The following CMTM4 variants were observed in gnomAD, a reference collection of about 807,000 sequenced individuals.
The protein encoded by CMTM4 is CKLF-like MARVEL transmembrane domain-containing protein 4.
In CMTM4, 8 loss-of-function variants were observed where a neutral mutation model predicts 19.0. The ratio of observed to expected loss-of-function variants is 0.42; its 90% CI spans 0.25 to 0.76. CMTM4 has a LOEUF of 0.76. CMTM4 is among the 30% of genes least tolerant of loss of function. The pLI is 0.27. For synonymous variants in CMTM4, 106 were observed against 121.1 expected (o/e 0.88, Z 0.82); for missense variants, 228 against 290.2 (o/e 0.79, Z 1.56).
intron 1 of CMTM4, among the ~76,000 whole-genome samples, chr16:66,691,953 C>T (rs558927626): frequency 2.6e-5 from 4 of 152,276 alleles, no homozygotes; most frequent in Middle Eastern, 3.4e-3. Context: ...ATACCTAATA[C>T]GGTAGGTACT....
intron 1 of CMTM4, among the ~76,000 whole-genome samples, chr16:66,653,493 C>T (rs140327437): frequency 3.9e-5 from 6 of 152,200 alleles, no homozygotes; most frequent in African/African-American, 7.2e-5. Flanking sequence ...CCCCCAGGGC[C>T]GCCATCCTTA....
downstream of CMTM4, among the ~76,000 whole-genome samples, chr16:66,610,605 G>A (rs1242246992): frequency 6.6e-6 from 1 of 152,224 alleles, no homozygotes; most frequent in Non-Finnish European, 1.5e-5. The surrounding 1 kb of genome is among the most constrained non-coding windows in gnomAD (Gnocchi z 4.6). Context: ...GGCAGTAGAG[G>A]AGTGTGCAGG....
the CMTM4 span, among the ~76,000 whole-genome samples, chr16:66,602,609 C>T: frequency 1.3e-5 from 2 of 151,992 alleles, no homozygotes; most frequent in East Asian, 2.0e-4. Flanking sequence ...TGCAGTGGTG[C>T]GATCTCAGCT....
At chr16:66,658,724 A>T (rs894305070) in intron 1 of CMTM4, among the ~76,000 whole-genome samples, 1 of 152,180 alleles carries the variant, frequency 6.6e-6, no homozygotes, top group Non-Finnish European at 1.5e-5. Flanking sequence ...ACTAGGTGCC[A>T]GTACTCCTCC....
At chr16:66,673,437 G>A (rs890332012) in intron 1 of CMTM4, among the ~76,000 whole-genome samples, 1 of 151,248 alleles carries the variant, frequency 6.6e-6, no homozygotes, top group Non-Finnish European at 1.5e-5. Context: ...CGAACTCCTG[G>A]ATGCAAGGGA....
At chr16:66,683,160 CGTAT>C (rs1328114664) in intron 1 of CMTM4, among the ~76,000 whole-genome samples, 1 of 75,554 alleles carries the variant, frequency 1.3e-5, no homozygotes, top group Non-Finnish European at 2.5e-5. Flanking sequence ...TATATATATA[CGTAT>C]ATATATATAT....
At chr16:66,683,624 T>C (rs1007684556) in intron 1 of CMTM4, among the ~76,000 whole-genome samples, 3 of 151,888 alleles carry the variant, frequency 2.0e-5, no homozygotes, top group African/African-American at 7.3e-5. Flanking sequence ...CAACTGTCTA[T>C]TCAACACCTA....
intron 1 of CMTM4, among the ~76,000 whole-genome samples, chr16:66,642,692 G>A (rs2016117132): frequency 6.6e-6 from 1 of 152,052 alleles, no homozygotes; most frequent in African/African-American, 2.4e-5. Flanking sequence ...CTCCAGCCTG[G>A]GTGACGAAGG....
At chr16:66,655,803 C>T (rs12597041) in intron 1 of CMTM4, among the ~76,000 whole-genome samples, 2,314 of 152,094 alleles carry the variant, frequency 0.015, 89 homozygotes, top group East Asian at 0.15. Flanking sequence ...AAATCTGAGA[C>T]AACTTGAGCA....
the CMTM4 span, chr16:66,603,942 G>A: frequency 6.6e-6 from 1 of 152,536 alleles, no homozygotes; most frequent in Admixed American, 6.5e-5. Flanking sequence ...GAAAGGAGGG[G>A]GCAGTGCCCT....
At chr16:66,660,425 G>GGT (rs2016480586) in intron 1 of CMTM4, among the ~76,000 whole-genome samples, 1 of 148,888 alleles carries the variant, frequency 6.7e-6, no homozygotes, top group Admixed American at 6.7e-5. Context: ...CACCATAAAA[G>GGT]GTGAAATTTA....
chr16:66,650,702 C>G (rs956447981), intron 1 of CMTM4, among the ~76,000 whole-genome samples: 1 of 152,184 alleles, frequency 6.6e-6, no homozygotes, highest in African/African-American at 2.4e-5. Context: ...ATTTCTTCCC[C>G]CCGCACACCT....
In CMTM4 at chr16:66,652,300, C is replaced by T. The variant is rs149792185; in HGVS notation, c.187-15719G>A. Among the ~76,000 whole-genome samples, 178 of 152,268 alleles carry T rather than the reference C, an allele frequency of 1.2e-3. 1 individual carries two copies. The highest frequency in any genetic ancestry group is 2.1e-3 in the Non-Finnish European group (143 of 68,006). ...CTCTCAAAGAAAGCCCGCCAGCCTC[C>T]GAGGCCACACTCCACTCTAAGTGGT... is the stretch of plus-strand genomic sequence containing the variant. On this transcript the variant is annotated intron_variant, in intron 1 of 3. Coordinates refer to ENST00000394106, the MANE Select transcript of CMTM4 (RefSeq NM_181521.3).
intron 1 of CMTM4, among the ~76,000 whole-genome samples, chr16:66,667,831 T>C (rs900755314): frequency 1.3e-5 from 2 of 152,060 alleles, no homozygotes; most frequent in African/African-American, 4.8e-5. Flanking sequence ...GAGGTTGCAG[T>C]GAGCCGTGAT....
chr16:66,608,360 T>C, the CMTM4 span: 1 of 1,614,206 alleles, frequency 6.2e-7, no homozygotes, highest in Non-Finnish European at 8.5e-7. This position sits in a 1 kb window ranked among gnomAD's most constrained non-coding sequence, Gnocchi z 5.1. Flanking sequence ...AGCATCTGCC[T>C]TCCTCACAGC....
At chr16:66,612,683 C>T (rs749532442), downstream of CMTM4, 6 of 1,598,910 alleles carry the variant, frequency 3.8e-6, no homozygotes, top group South Asian at 2.2e-5. This position sits in a 1 kb window ranked among gnomAD's most constrained non-coding sequence, Gnocchi z 6.0. Flanking sequence ...AGGCCTCCAC[C>T]CCTGCGCCTC....
At chr16:66,683,183 A>ATG (rs1567432288) in intron 1 of CMTM4, among the ~76,000 whole-genome samples, 1 of 90,672 alleles carries the variant, frequency 1.1e-5, no homozygotes, top group Non-Finnish European at 2.4e-5. Flanking sequence ...ATACATATGT[A>ATG]TATATATATA....
intron 2 of CMTM4, among the ~76,000 whole-genome samples, chr16:66,627,640 T>C (rs1252730202): frequency 6.6e-6 from 1 of 152,224 alleles, no homozygotes; most frequent in Non-Finnish European, 1.5e-5. Context: ...GGACATTTTT[T>C]TTTTCCTGTG....
rs147815956 is a variant in CMTM4 at position 66,621,672 on chromosome 16, G to A, written c.*386C>T. 2.4e-5 allele frequency: 25 copies of A among 1,024,780 alleles called. No individual in the cohort carries two copies. Among genetic ancestry groups the A allele is most frequent in the East Asian group, 1.7e-4 (2 of 11,832 alleles). The allele number at this position is 1,024,780 out of a possible 1,614,324, so 63.5% of individuals were successfully genotyped here. ...CTAAGGCTGCCTGAGAACCACTGCC[G>A]ACTGACCGTTCCAATGCTGTCCCTT... On this transcript the variant is annotated 3_prime_UTR_variant, in exon 4 of 4. Transcript: ENST00000394106.
Sources: gnomAD v4.1 joint callset for allele counts (sites outside exome capture counted in the v4.1 genomes callset) on GRCh38, gnomAD v4.1.1 for gene constraint, Gnocchi (gnomAD v3.1) non-coding constraint, MANE v1.5 for transcripts, NCBI Gene and HGNC (gene_info 2026-07-23, HGNC 2026-07-21) for gene names.